The following DNER variants were observed in gnomAD, a reference collection of about 807,000 sequenced individuals.
DNER encodes delta/notch like EGF repeat containing, also known as delta and Notch-like epidermal growth factor-related receptor.
A neutral mutation model predicts 78.2 loss-of-function variants in DNER; 33 were observed. That is an observed-to-expected ratio of 0.42 (90% confidence interval 0.32 to 0.56). The LOEUF (loss-of-function observed/expected upper bound fraction) is 0.56. Among genes scored for constraint, DNER ranks in the 20% least tolerant of loss-of-function variants. The pLI is 0.11. For synonymous variants in DNER, 417 were observed against 384.8 expected (o/e 1.08, Z -0.98); for missense variants, 918 against 975.3 (o/e 0.94, Z 0.78).
intron 8 of DNER, among the ~76,000 whole-genome samples, chr2:229,429,825 C>T (rs1475249723): frequency 2.6e-5 from 4 of 152,168 alleles, no homozygotes; most frequent in Admixed American, 6.5e-5. Flanking sequence ...TTTTTAAAAC[C>T]TACCCTTTTT....
intron 8 of DNER, among the ~76,000 whole-genome samples, chr2:229,438,671 C>G (rs1222369966): frequency 6.6e-6 from 1 of 152,132 alleles, no homozygotes; most frequent in African/African-American, 2.4e-5. Context: ...ATGTGGCTGA[C>G]AAATCCCAAT....
chr2:229,485,573 A>G (rs1194119373), intron 6 of DNER, among the ~76,000 whole-genome samples: 1 of 152,182 alleles, frequency 6.6e-6, no homozygotes, highest in Non-Finnish European at 1.5e-5. Flanking sequence ...GATTTCCAAC[A>G]TAACAAAAAA....
rs558992687 is a variant in DNER at position 229,446,642 on chromosome 2, TC to T, written c.1486+673del. 3.3e-5 allele frequency among the ~76,000 whole-genome samples: 5 copies of T among 152,296 alleles called. No individual in the cohort carries two copies. In the South Asian group the frequency reaches 1.0e-3, roughly 32 times the overall value. Reference sequence around the variant, plus strand: ...GAGAGGAAAGGGCTGCCCCGTGCATTCCTTTCTGACTACACTAGTGGGTTGT... The same window carrying T: ...GAGAGGAAAGGGCTGCCCCGTGCATTCTTTCTGACTACACTAGTGGGTTGT... On this transcript the variant is annotated intron_variant, in intron 8 of 12. Coordinates refer to ENST00000341772, the MANE Select transcript of DNER (RefSeq NM_139072.4).
chr2:229,417,698 G>A (rs781618376), intron 9 of DNER, among the ~76,000 whole-genome samples: 8 of 152,038 alleles, frequency 5.3e-5, no homozygotes, highest in Non-Finnish European at 1.2e-4. Context: ...TGATACATGG[G>A]ACTCCGCCTG....
chr2:229,668,484 GTATA>G (rs1276599748), intron 1 of DNER, among the ~76,000 whole-genome samples: 4 of 116,830 alleles, frequency 3.4e-5, no homozygotes, highest in Admixed American at 8.8e-5. Flanking sequence ...ATATAGGTAA[GTATA>G]TATATACTTA....
At chr2:229,537,216 C>T (rs1365121718) in intron 5 of DNER, among the ~76,000 whole-genome samples, 4 of 152,234 alleles carry the variant, frequency 2.6e-5, no homozygotes, top group Admixed American at 6.5e-5. Flanking sequence ...GCCATAAGGT[C>T]AACCCCCGAC....
chr2:229,617,671 A>C (rs1372262004), intron 1 of DNER, among the ~76,000 whole-genome samples: 1 of 152,240 alleles, frequency 6.6e-6, no homozygotes, highest in Non-Finnish European at 1.5e-5. Flanking sequence ...TCAGAAATTC[A>C]GGCTGGGCAT....
intron 4 of DNER, among the ~76,000 whole-genome samples, chr2:229,559,230 C>G (rs1696911268): frequency 6.6e-6 from 1 of 152,026 alleles, no homozygotes; most frequent in Non-Finnish European, 1.5e-5. Context: ...TTAGAAACAT[C>G]ATGGCTGAAG....
intron 1 of DNER, among the ~76,000 whole-genome samples, chr2:229,656,515 T>C (rs1256887217): frequency 1.3e-5 from 2 of 152,070 alleles, no homozygotes; most frequent in East Asian, 3.9e-4. Context: ...CCAACCACAA[T>C]GTGAGCCTGG....
intron 1 of DNER, among the ~76,000 whole-genome samples, chr2:229,647,274 G>C (rs951896384): frequency 7.9e-5 from 12 of 152,172 alleles, no homozygotes; most frequent in Non-Finnish European, 1.5e-4. Flanking sequence ...TGTAACCAGG[G>C]AGCAGCAATC....
At chr2:229,551,372 G>A (rs1400348092) in intron 4 of DNER, among the ~76,000 whole-genome samples, 5 of 150,632 alleles carry the variant, frequency 3.3e-5, no homozygotes, top group African/African-American at 4.8e-5. Flanking sequence ...AGTGGCTCAC[G>A]CCTGTAATCT....
At chr2:229,371,006 C>T (rs1419816501) in intron 11 of DNER, among the ~76,000 whole-genome samples, 1 of 152,184 alleles carries the variant, frequency 6.6e-6, no homozygotes, top group Non-Finnish European at 1.5e-5. Context: ...CCATCTGCTC[C>T]GTTTCCCAAA....
intron 7 of DNER, among the ~76,000 whole-genome samples, chr2:229,476,503 G>A (rs768723637): frequency 2.6e-5 from 4 of 152,130 alleles, no homozygotes; most frequent in Non-Finnish European, 5.9e-5. Flanking sequence ...CTTACATGCT[G>A]GTTCTAAAAA....
In DNER at chr2:229,714,226, G is replaced by A. The variant is rs370482762; in HGVS notation, c.198C>T (p.Asp66=). The A allele has an allele frequency of 1.8e-3, 2,507 of 1,403,872 alleles. 37 individuals carry two copies. In the African/African-American group the frequency reaches 0.032, roughly 18 times the overall value. 87.0% of individuals were successfully genotyped at this position (1,403,872 alleles called of 1,614,324 possible). ...GGVCTSRPEP[D]PQHPAPAGEP... ...CGCCGGCGGGGGCCGGGTGCTGCGGGTCCGGCTCAGGGCGCGAGGTGCACA... is the reference window on the plus strand; with the variant it reads ...CGCCGGCGGGGGCCGGGTGCTGCGGATCCGGCTCAGGGCGCGAGGTGCACA... The change falls in exon 1 of 13, where the codon GAC becomes GAT. Residue 66 remains aspartate, a synonymous_variant. Transcript: ENST00000341772.
At chr2:229,590,235 G>A (rs561005078) in intron 2 of DNER, among the ~76,000 whole-genome samples, 1 of 152,198 alleles carries the variant, frequency 6.6e-6, no homozygotes, top group African/African-American at 2.4e-5. Context: ...CAACTTCTAG[G>A]AGTCTACTGA....
chr2:229,531,880 CT>C (rs1197061063), intron 5 of DNER, among the ~76,000 whole-genome samples: 1 of 152,062 alleles, frequency 6.6e-6, no homozygotes, highest in Non-Finnish European at 1.5e-5. Context: ...AAACATTATG[CT>C]GAGTGAAAGA....
chr2:229,542,964 A>G (rs1696545664), intron 5 of DNER, among the ~76,000 whole-genome samples: 2 of 152,044 alleles, frequency 1.3e-5, no homozygotes, highest in African/African-American at 4.8e-5. Flanking sequence ...AATGGCTCAG[A>G]TAAGATTATT....
At chr2:229,369,039 C>A (rs1692416209) in intron 11 of DNER, among the ~76,000 whole-genome samples, 1 of 152,246 alleles carries the variant, frequency 6.6e-6, no homozygotes, top group African/African-American at 2.4e-5. Flanking sequence ...ATCACACCAA[C>A]CTTGCTTTCA....
Position 229,502,765 on chromosome 2 carries a change from A to G in DNER, c.1147+10018T>C, listed in dbSNP as rs558443240. 2.0e-5 allele frequency among the ~76,000 whole-genome samples: 3 copies of G among 152,344 alleles called. No homozygotes were observed. The South Asian group carries it at 6.2e-4, about 32-fold the overall frequency. On this transcript the variant is annotated intron_variant, in intron 6 of 12. Coordinates refer to ENST00000341772, the MANE Select transcript of DNER (RefSeq NM_139072.4). ...ATATCCTCCTCAGAGTGATAGTTTG[A>G]TAGAGAAATAGGACAGGTAACTGAA...
Sources: allele counts gnomAD v4.1 joint callset (sites outside exome capture counted in the v4.1 genomes callset), GRCh38; gene constraint gnomAD v4.1.1; transcripts MANE v1.5; gene names NCBI Gene and HGNC (gene_info 2026-07-23, HGNC 2026-07-21).